The following ARHGAP26 variants were observed in gnomAD, a reference collection of about 807,000 sequenced individuals.
ARHGAP26 encodes Rho GTPase activating protein 26, also known as rho GTPase-activating protein 26.
A neutral mutation model predicts 104.8 loss-of-function variants in ARHGAP26; 38 were observed. That is an observed-to-expected ratio of 0.36 (90% CI 0.28 to 0.48). The LOEUF is 0.48. Ranked by LOEUF, ARHGAP26 falls within the 20% of genes least tolerant of loss-of-function variation. The probability of loss-of-function intolerance (pLI) is 0.99; values close to 1 mark genes in which losing one functional copy is unlikely to be tolerated. For missense variants in ARHGAP26, 704 were observed against 947.9 expected, an observed-to-expected ratio of 0.74 and a Z score of 3.38; for synonymous variants, 341 against 340.0, an observed-to-expected ratio of 1.00 and a Z score of -0.03.
intron 17 of ARHGAP26, among the ~76,000 whole-genome samples, chr5:143,064,930 T>A (rs955893893): frequency 6.6e-5 from 10 of 152,214 alleles, no homozygotes; most frequent in African/African-American, 2.2e-4. Flanking sequence ...TGTTCAGCAG[T>A]CTTAGAGCTC....
chr5:142,894,213 C>T, intron 5 of ARHGAP26, 25 bp from the exon 6 acceptor site: 1 of 1,599,858 alleles, frequency 6.3e-7, no homozygotes, highest in Non-Finnish European at 8.6e-7. Context: ...CTTGATTTTT[C>T]TCTTAAATTC....
Position 142,966,659 on chromosome 5 carries a change from T to A in ARHGAP26, c.1107+34534T>A, listed in dbSNP as rs76455460. On this transcript the variant is annotated intron_variant, in intron 11 of 22. Coordinates refer to ENST00000645722, the MANE Select transcript of ARHGAP26 (RefSeq NM_001135608.3). ...TTGCTGGAAAAATGTATTCCAAGTC[T>A]GTAATTGAGAAGAAGAAAGATAAAG... 2.5e-3 allele frequency among the ~76,000 whole-genome samples: 382 copies of A among 152,366 alleles called. 9 individuals are homozygous for A. The East Asian group carries it at 0.042, about 17-fold the overall frequency.
At chr5:143,036,640 A>G (rs183637315) in intron 12 of ARHGAP26, among the ~76,000 whole-genome samples, 45 of 152,294 alleles carry the variant, frequency 3.0e-4, no homozygotes, top group African/African-American at 1.0e-3. Flanking sequence ...TGGGCTCTAG[A>G]GCAAGTCTCC....
At chr5:143,221,559 G>A (rs908235176) in intron 22 of ARHGAP26, among the ~76,000 whole-genome samples, 5 of 152,160 alleles carry the variant, frequency 3.3e-5, no homozygotes, top group African/African-American at 9.7e-5. Context: ...TGTCGCCCAG[G>A]CTGGAGTGCA....
chr5:142,903,576 G>A lies in ARHGAP26; in HGVS notation c.739G>A (p.Glu247Lys), dbSNP rs1210961341. 1 of 1,613,820 alleles carries A rather than the reference G, an allele frequency of 6.2e-7. No individual in the cohort carries two copies. Among genetic ancestry groups the A allele is most frequent in the East Asian group, 2.2e-5 (1 of 44,886 alleles). ...NRFEGTRSEV[E>K]SLMKKMKENP... is the part of the protein sequence containing the mutation. ...CTTTGAAGGCACTAGATCAGAAGTG[G>A]AATCACTGATGAAAAAGATGAAGGA... The change falls in exon 8 of 23, where the codon GAA (glutamate) becomes AAA (lysine). Residue 247 changes from glutamate (E) to lysine (K), a missense_variant. Around this residue, in one of 6 missense-constraint regions of ARHGAP26, gnomAD observed 287 missense variants for 438.8 expected, o/e 0.65. Coordinates refer to ENST00000645722, the MANE Select transcript of ARHGAP26 (RefSeq NM_001135608.3).
At chr5:142,889,087 G>A (rs1363622201) in intron 5 of ARHGAP26, among the ~76,000 whole-genome samples, 2 of 152,172 alleles carry the variant, frequency 1.3e-5, no homozygotes, top group African/African-American at 2.4e-5. Flanking sequence ...ATTCCGCTTA[G>A]GATTTCTTCT....
intron 20 of ARHGAP26, among the ~76,000 whole-genome samples, chr5:143,194,871 G>T (rs1159461556): frequency 1.3e-5 from 2 of 151,718 alleles, no homozygotes; most frequent in East Asian, 1.9e-4. Flanking sequence ...CTCCATGGCA[G>T]CCTGCGCCAG....
At chr5:142,926,929 A>G (rs554749053) in intron 10 of ARHGAP26, among the ~76,000 whole-genome samples, 2 of 152,230 alleles carry the variant, frequency 1.3e-5, no homozygotes, top group African/African-American at 4.8e-5. Context: ...TGCCGCATAC[A>G]CTTCTCATAT....
At chr5:143,104,751 A>G (rs1408495593) in intron 17 of ARHGAP26, among the ~76,000 whole-genome samples, 2 of 152,252 alleles carry the variant, frequency 1.3e-5, no homozygotes, top group African/African-American at 4.8e-5. Flanking sequence ...GAGTGAGACA[A>G]TGAATGGTAC....
chr5:143,050,300 C>G (rs984090421), intron 14 of ARHGAP26, among the ~76,000 whole-genome samples: 1 of 151,800 alleles, frequency 6.6e-6, no homozygotes, highest in African/African-American at 2.4e-5. Context: ...ACTGCAAATT[C>G]AGCATCACTG....
At chr5:143,063,339 G>C (rs192453467) in intron 17 of ARHGAP26, among the ~76,000 whole-genome samples, 237 of 152,252 alleles carry the variant, frequency 1.6e-3, no homozygotes, top group Non-Finnish European at 2.9e-3. Flanking sequence ...TATTGCTCTG[G>C]CTGGTGGAGC....
chr5:143,083,406 A>G (rs966147994), intron 17 of ARHGAP26, among the ~76,000 whole-genome samples: 1 of 152,188 alleles, frequency 6.6e-6, no homozygotes, highest in African/African-American at 2.4e-5. Flanking sequence ...ATGTCTCTTA[A>G]TATCTCCAGC....
At chr5:143,164,531 G>T (rs1335799748) in intron 20 of ARHGAP26, among the ~76,000 whole-genome samples, 2 of 152,170 alleles carry the variant, frequency 1.3e-5, no homozygotes, top group East Asian at 3.8e-4. Context: ...TCTTTTTGCT[G>T]TATTTTTCTT....
At chr5:143,163,969 A>G (rs1801599924) in intron 20 of ARHGAP26, among the ~76,000 whole-genome samples, 1 of 151,958 alleles carries the variant, frequency 6.6e-6, no homozygotes, top group Non-Finnish European at 1.5e-5. Flanking sequence ...CAATTTGATC[A>G]TTTGCATGTG....
intron 20 of ARHGAP26, among the ~76,000 whole-genome samples, chr5:143,181,243 C>T (rs1393657840): frequency 6.6e-6 from 1 of 152,222 alleles, no homozygotes; most frequent in Non-Finnish European, 1.5e-5. Flanking sequence ...ACTATATACT[C>T]CTTAATCCTT....
chr5:142,955,345 A>C (rs567391262), intron 11 of ARHGAP26, among the ~76,000 whole-genome samples: 2 of 152,222 alleles, frequency 1.3e-5, no homozygotes, highest in South Asian at 4.1e-4. Context: ...AAAACAAAGA[A>C]GATGCATTCT....
intron 11 of ARHGAP26, among the ~76,000 whole-genome samples, chr5:142,937,989 G>A (rs555225522): frequency 3.3e-5 from 5 of 152,196 alleles, no homozygotes; most frequent in East Asian, 1.9e-4. Context: ...CCATATTAAA[G>A]TAGTTATGAG....
At chr5:142,910,522 T>C (rs748510241) in intron 9 of ARHGAP26, among the ~76,000 whole-genome samples, 2 of 152,226 alleles carry the variant, frequency 1.3e-5, no homozygotes, top group Non-Finnish European at 2.9e-5. Flanking sequence ...GTGGATCACC[T>C]GAGGTCAGGA....
chr5:142,826,596 G>A (rs967738519), intron 1 of ARHGAP26, among the ~76,000 whole-genome samples: 1 of 152,190 alleles, frequency 6.6e-6, no homozygotes, highest in Non-Finnish European at 1.5e-5. Context: ...GGGATGTCTG[G>A]CAGGTGACTT....
Sources: gnomAD v4.1 joint callset for allele counts (sites outside exome capture counted in the v4.1 genomes callset) on GRCh38, gnomAD v4.1.1 for gene constraint, gnomAD v4.1.1 regional missense constraint, MANE v1.5 for transcripts, NCBI Gene and HGNC (gene_info 2026-07-23, HGNC 2026-07-21) for gene names.